Variants in EPHA6 observed in about 807,000 individuals in gnomAD.
The protein encoded by EPHA6 is ephrin type-A receptor 6.
A neutral mutation model predicts 112.0 loss-of-function variants in EPHA6; 50 were observed. The observed-to-expected ratio is 0.45, with a 90% CI of 0.36 to 0.56. The LOEUF is 0.56. Ranked by LOEUF, EPHA6 falls within the 20% of genes least tolerant of loss-of-function variation. The pLI is 0.00. For missense variants in EPHA6, 1,280 were observed against 1,417.4 expected, an observed-to-expected ratio of 0.90 and a Z score of 1.56; for synonymous variants, 529 against 490.7, an observed-to-expected ratio of 1.08 and a Z score of -1.03.
At chr3:97,739,794 G>A (rs2035424137) in intron 16 of EPHA6, among the ~76,000 whole-genome samples, 3 of 152,076 alleles carry the variant, frequency 2.0e-5, no homozygotes, top group South Asian at 4.1e-4. Flanking sequence ...CCAACTAACA[G>A]TAAAAAACTA....
At chr3:97,228,365 T>G (rs543690410) in intron 4 of EPHA6, among the ~76,000 whole-genome samples, 2 of 152,048 alleles carry the variant, frequency 1.3e-5, no homozygotes, top group African/African-American at 4.8e-5. Context: ...ATCATTCTTA[T>G]GTTGTTGCTC....
At chr3:97,091,326 A>G (rs2047059296) in intron 3 of EPHA6, among the ~76,000 whole-genome samples, 1 of 152,164 alleles carries the variant, frequency 6.6e-6, no homozygotes. Flanking sequence ...AAGACCTACT[A>G]TGGATCAGAG....
chr3:97,540,762 A>G (rs970126590), intron 11 of EPHA6, among the ~76,000 whole-genome samples: 2 of 152,226 alleles, frequency 1.3e-5, no homozygotes, highest in East Asian at 1.9e-4. Context: ...TTATGCATAC[A>G]TAATGTTTTC....
intron 2 of EPHA6, among the ~76,000 whole-genome samples, chr3:96,940,336 C>T (rs1057236423): frequency 6.6e-6 from 1 of 152,042 alleles, no homozygotes; most frequent in African/African-American, 2.4e-5. Context: ...TGAATTGATC[C>T]CTTTACCATT....
At chr3:96,880,780 A>C (rs1175334626) in intron 2 of EPHA6, among the ~76,000 whole-genome samples, 1 of 152,162 alleles carries the variant, frequency 6.6e-6, no homozygotes, top group East Asian at 1.9e-4. Flanking sequence ...ATTGAATCGA[A>C]CAATATATGA....
intron 16 of EPHA6, among the ~76,000 whole-genome samples, chr3:97,746,191 A>C (rs2035708906): frequency 6.6e-6 from 1 of 151,888 alleles, no homozygotes; most frequent in African/African-American, 2.4e-5. Context: ...ATTCCAATAA[A>C]AATAACTCAG....
chr3:97,444,321 C>T (rs533863875), intron 6 of EPHA6, among the ~76,000 whole-genome samples: 2 of 152,062 alleles, frequency 1.3e-5, no homozygotes, highest in South Asian at 4.2e-4. Flanking sequence ...AAAAGATGAC[C>T]ACTATGCTGG....
intron 5 of EPHA6, among the ~76,000 whole-genome samples, chr3:97,368,212 A>C (rs1296798256): frequency 2.0e-5 from 3 of 152,132 alleles, no homozygotes; most frequent in Admixed American, 6.6e-5. Flanking sequence ...AAAACCTTTT[A>C]ATTTCTATGG....
intron 10 of EPHA6, among the ~76,000 whole-genome samples, chr3:97,503,111 C>T (rs934636368): frequency 2.0e-5 from 3 of 151,606 alleles, no homozygotes; most frequent in African/African-American, 7.3e-5. Context: ...AGCTTTGTTA[C>T]AATAAATGTA....
rs190709537 is a variant in EPHA6 at position 97,689,230 on chromosome 3, A to G, written c.2785-31031A>G. Among the ~76,000 whole-genome samples, 15 of 152,340 alleles carry G rather than the reference A, an allele frequency of 9.8e-5. 1 individual carries two copies. In the East Asian group the frequency reaches 2.9e-3, roughly 29 times the overall value. On this transcript the variant is annotated intron_variant, in intron 14 of 17. Transcript: ENST00000389672. ...AAGTAAACTTCGATGTTCATATTAG[A>G]GATCAGCCTAATAATTTGTGTTCAT...
At chr3:97,715,336 C>G (rs181545233) in intron 14 of EPHA6, among the ~76,000 whole-genome samples, 1 of 152,322 alleles carries the variant, frequency 6.6e-6, no homozygotes, top group Admixed American at 6.5e-5. Flanking sequence ...TGCCCAAGGT[C>G]ACACAGTGAA....
chr3:97,323,965 T>G (rs982293436), intron 5 of EPHA6, among the ~76,000 whole-genome samples: 1 of 151,974 alleles, frequency 6.6e-6, no homozygotes, highest in Non-Finnish European at 1.5e-5. Context: ...AGTCTATGAA[T>G]TGAAGCAATT....
intron 3 of EPHA6, among the ~76,000 whole-genome samples, chr3:97,019,999 C>A (rs1040632736): frequency 6.6e-5 from 10 of 152,164 alleles, no homozygotes; most frequent in Admixed American, 2.0e-4. Flanking sequence ...TTTCCAGATT[C>A]CTTGACTTTG....
Position 97,747,594 on chromosome 3 carries a change from A to C in EPHA6, c.3278+22A>C, listed in dbSNP as rs576385510. 1.2e-4 allele frequency: 195 copies of C among 1,569,036 alleles called. 4 individuals carry two copies. In the South Asian group the frequency reaches 2.3e-3, roughly 18 times the overall value. Reference sequence around the variant, plus strand: ...TTGAGTAAGTGATACTAGGTTTATTACTGTAACGAGATGTCCTGCTGGGGA... The same window carrying C: ...TTGAGTAAGTGATACTAGGTTTATTCCTGTAACGAGATGTCCTGCTGGGGA... On this transcript the variant is annotated intron_variant, in intron 17 of 17. Coordinates refer to ENST00000389672, the MANE Select transcript of EPHA6 (RefSeq NM_001080448.3).
chr3:97,464,686 A>C (rs9826778), intron 7 of EPHA6, among the ~76,000 whole-genome samples: 7,195 of 152,086 alleles, frequency 0.047, 570 homozygotes, highest in African/African-American at 0.16. Flanking sequence ...TTTTCAAAGC[A>C]GGTGTTGTTG....
intron 3 of EPHA6, among the ~76,000 whole-genome samples, chr3:97,199,364 C>T (rs1303216297): frequency 2.0e-5 from 3 of 152,036 alleles, no homozygotes; most frequent in Non-Finnish European, 4.4e-5. Context: ...TGTAATAATA[C>T]TTCTCATCTC....
At chr3:97,563,675 T>G (rs1454640878) in intron 11 of EPHA6, among the ~76,000 whole-genome samples, 2 of 152,156 alleles carry the variant, frequency 1.3e-5, no homozygotes, top group Non-Finnish European at 2.9e-5. Context: ...TACCAGAAAG[T>G]TCCTGGTCCC....
intron 13 of EPHA6, among the ~76,000 whole-genome samples, chr3:97,611,708 T>C (rs1295155664): frequency 6.6e-6 from 1 of 151,928 alleles, no homozygotes; most frequent in Non-Finnish European, 1.5e-5. Context: ...TATATAACTA[T>C]TTTTCTCACT....
chr3:97,129,699 A>G (rs1019741417), intron 3 of EPHA6, among the ~76,000 whole-genome samples: 1 of 152,194 alleles, frequency 6.6e-6, no homozygotes, highest in African/African-American at 2.4e-5. Context: ...ACTGGGCTCA[A>G]GTCTGTAAAT....
Sources: allele counts gnomAD v4.1 joint callset (sites outside exome capture counted in the v4.1 genomes callset), GRCh38; gene constraint gnomAD v4.1.1; transcripts MANE v1.5; gene names NCBI Gene and HGNC (gene_info 2026-07-23, HGNC 2026-07-21).